The following HS2ST1 variants were observed in gnomAD, a reference collection of about 807,000 sequenced individuals.
HS2ST1 encodes 2-O-sulfotransferase.
In HS2ST1, 18 loss-of-function variants were observed where a neutral mutation model predicts 42.9. The ratio of observed to expected loss-of-function variants is 0.42; its 90% CI spans 0.29 to 0.62. The LOEUF is 0.62. Ranked by LOEUF, HS2ST1 falls within the 20% of genes least tolerant of loss-of-function variation. The probability of loss-of-function intolerance (pLI) is 0.21; values close to 1 mark genes in which losing one functional copy is unlikely to be tolerated. For synonymous variants in HS2ST1, 146 were observed against 152.9 expected, an observed-to-expected ratio of 0.95 and a Z score of 0.33; for missense variants, 334 against 433.8, an observed-to-expected ratio of 0.77 and a Z score of 2.04.
chr1:86,931,329 G>T (rs1302350417), intron 1 of HS2ST1, among the ~76,000 whole-genome samples: 1 of 152,050 alleles, frequency 6.6e-6, no homozygotes, highest in Non-Finnish European at 1.5e-5. Flanking sequence ...ATAAGTCAAA[G>T]TAAAGTATTT....
At chr1:86,985,383 T>TATATATATACAC (rs1413099470) in intron 1 of HS2ST1, among the ~76,000 whole-genome samples, 3 of 44,726 alleles carry the variant, frequency 6.7e-5, no homozygotes, top group African/African-American at 1.0e-4. Context: ...TATATATATA[T>TATATATATACAC]ACACACACAC....
chr1:86,991,980 T>G (rs1648966527), intron 1 of HS2ST1, among the ~76,000 whole-genome samples: 2 of 152,202 alleles, frequency 1.3e-5, no homozygotes, highest in Non-Finnish European at 2.9e-5. Context: ...GGAACCGGGC[T>G]GCACAGCAGG....
chr1:87,068,846 T>A (rs1405681831), intron 1 of HS2ST1, among the ~76,000 whole-genome samples: 1 of 152,190 alleles, frequency 6.6e-6, no homozygotes, highest in Non-Finnish European at 1.5e-5. Flanking sequence ...ATATGTATTT[T>A]TTATTTTTTT....
chr1:86,991,455 T>C (rs570693483), intron 1 of HS2ST1, among the ~76,000 whole-genome samples: 1 of 152,310 alleles, frequency 6.6e-6, no homozygotes, highest in East Asian at 1.9e-4. Flanking sequence ...GAACAGGGAT[T>C]GAATAGGTAG....
rs1295863043 is a variant in HS2ST1 at position 87,109,454 on chromosome 1, A to G, written c.*4758A>G. Reference sequence around the variant, plus strand: ...ATATATACTTAATTAGAAGAAAAAAATAGAGAAAGGGCTATTAGAATTAAA... The same window carrying G: ...ATATATACTTAATTAGAAGAAAAAAGTAGAGAAAGGGCTATTAGAATTAAA... On this transcript the variant is annotated 3_prime_UTR_variant, in exon 7 of 7. Coordinates refer to ENST00000370550, the MANE Select transcript of HS2ST1 (RefSeq NM_012262.4). 6.6e-6 allele frequency: 1 copy of G among 152,138 alleles called. No homozygotes were observed. The highest frequency in any genetic ancestry group is 2.4e-5 in the African/African-American group (1 of 41,462). The allele number at this position is 152,138 out of a possible 1,614,324, so 9.4% of individuals were successfully genotyped here.
chr1:87,092,477 T>A lies in HS2ST1; in HGVS notation c.450-54T>A, dbSNP rs1651970005. 4 of 1,382,354 alleles carry A rather than the reference T, an allele frequency of 2.9e-6. No homozygotes were observed. In the Admixed American group the frequency reaches 9.9e-5, roughly 34 times the overall value. The allele number at this position is 1,382,354 out of a possible 1,614,324, so 85.6% of individuals were successfully genotyped here. On this transcript the variant is annotated intron_variant, in intron 3 of 6. Coordinates refer to ENST00000370550, the MANE Select transcript of HS2ST1 (RefSeq NM_012262.4). ...ACTTAAACATGTAATTTCAGGGCAC[T>A]CCTAAACAGATTGAAAATGTTGATT...
In HS2ST1 at chr1:87,078,567, G is replaced by A. The variant is rs539630083; in HGVS notation, c.363+5395G>A. ...AAAATTTTCTATGACTAAAGTCACTGTAGTGGCCTTATTTCTTCTCCCCAA... is the reference window on the plus strand; with the variant it reads ...AAAATTTTCTATGACTAAAGTCACTATAGTGGCCTTATTTCTTCTCCCCAA... On this transcript the variant is annotated intron_variant, in intron 2 of 6. Coordinates refer to ENST00000370550, the MANE Select transcript of HS2ST1 (RefSeq NM_012262.4). 8.6e-4 allele frequency among the ~76,000 whole-genome samples: 131 copies of A among 152,320 alleles called. 2 individuals carry two copies. In the South Asian group the frequency reaches 0.026, roughly 30 times the overall value.
intron 1 of HS2ST1, among the ~76,000 whole-genome samples, chr1:86,990,371 T>A (rs1045849193): frequency 6.6e-6 from 1 of 152,132 alleles, no homozygotes; most frequent in African/African-American, 2.4e-5. Context: ...GAAGGTAGAG[T>A]ACTCAGTTCT....
intron 1 of HS2ST1, among the ~76,000 whole-genome samples, chr1:87,050,864 C>G (rs1650813203): frequency 6.6e-6 from 1 of 152,116 alleles, no homozygotes; most frequent in Non-Finnish European, 1.5e-5. Context: ...GAAAAAACCT[C>G]TGAGGATTAG....
intron 1 of HS2ST1, among the ~76,000 whole-genome samples, chr1:87,061,360 C>T (rs1047182517): frequency 1.3e-5 from 2 of 152,018 alleles, no homozygotes; most frequent in Non-Finnish European, 2.9e-5. Flanking sequence ...AAACATTACT[C>T]CAAAGGAAAC....
intron 1 of HS2ST1, among the ~76,000 whole-genome samples, chr1:87,070,173 C>A (rs188079024): frequency 6.6e-6 from 1 of 152,116 alleles, no homozygotes; most frequent in Non-Finnish European, 1.5e-5. Flanking sequence ...CTTCTGTCAG[C>A]GCTTAAATGC....
intron 1 of HS2ST1, among the ~76,000 whole-genome samples, chr1:87,060,723 A>G (rs890745557): frequency 6.6e-6 from 1 of 152,208 alleles, no homozygotes; most frequent in African/African-American, 2.4e-5. Flanking sequence ...GTTATAACTT[A>G]TAAGGATTTC....
rs527688462 is a variant in HS2ST1 at position 87,016,080 on chromosome 1, G to T, written c.125-56854G>T. ...TCCGCCAACCTCGGCCTCCCAAAGT[G>T]CTGGGATTACAGGTGTGAGCCGCTG... On this transcript the variant is annotated intron_variant, in intron 1 of 6. Coordinates refer to ENST00000370550, the MANE Select transcript of HS2ST1 (RefSeq NM_012262.4). 1.0e-3 allele frequency among the ~76,000 whole-genome samples: 156 copies of T among 152,314 alleles called. 1 individual carries two copies. Among genetic ancestry groups the T allele is most frequent in the African/African-American group, 3.7e-3 (152 of 41,570 alleles).
intron 1 of HS2ST1, among the ~76,000 whole-genome samples, chr1:87,051,299 A>G (rs779965400): frequency 1.9e-4 from 29 of 152,166 alleles, no homozygotes; most frequent in Non-Finnish European, 3.5e-4. Flanking sequence ...GCCTAATTCA[A>G]ATAGATTAAT....
chr1:87,035,369 T>C (rs1223783927), intron 1 of HS2ST1, among the ~76,000 whole-genome samples: 2 of 152,230 alleles, frequency 1.3e-5, no homozygotes, highest in Non-Finnish European at 2.9e-5. Flanking sequence ...GAAAAACTTA[T>C]TCTTCTTTAG....
intron 1 of HS2ST1, among the ~76,000 whole-genome samples, chr1:86,947,327 C>G (rs1053176952): frequency 2.6e-5 from 4 of 152,158 alleles, no homozygotes; most frequent in African/African-American, 9.7e-5. Context: ...ACCAATGAGA[C>G]CATTATTTAT....
chr1:87,084,839 A>C (rs1570538036), intron 3 of HS2ST1, among the ~76,000 whole-genome samples: 1 of 113,500 alleles, frequency 8.8e-6, no homozygotes, highest in African/African-American at 5.9e-5. Flanking sequence ...CCTCCCTGTC[A>C]CTCACTCACT....
intron 1 of HS2ST1, among the ~76,000 whole-genome samples, chr1:87,010,343 A>G (rs1649563402): frequency 6.6e-6 from 1 of 151,736 alleles, no homozygotes; most frequent in African/African-American, 2.4e-5. Context: ...CTTCTTAATT[A>G]CTATTTACAT....
At chr1:86,921,199 G>A (rs1660287054) in intron 1 of HS2ST1, among the ~76,000 whole-genome samples, 1 of 152,052 alleles carries the variant, frequency 6.6e-6, no homozygotes, top group Non-Finnish European at 1.5e-5. Flanking sequence ...TTGTTATGGT[G>A]TTTTGTATTC....
Sources: allele counts gnomAD v4.1 joint callset (sites outside exome capture counted in the v4.1 genomes callset), GRCh38; gene constraint gnomAD v4.1.1; transcripts MANE v1.5; gene names NCBI Gene and HGNC (gene_info 2026-07-23, HGNC 2026-07-21).